Variants in TXNL4A observed in about 807,000 individuals in gnomAD.
The protein encoded by TXNL4A is thioredoxin-like protein 4A.
A neutral mutation model predicts 14.6 loss-of-function variants in TXNL4A; 17 were observed. The ratio of observed to expected loss-of-function variants is 1.16; its 90% CI spans 0.80 to 1.74. The LOEUF is 1.74. Among genes scored for constraint, TXNL4A ranks in the 40% most tolerant of loss-of-function variants. TXNL4A has a pLI of 0.00. For synonymous variants in TXNL4A, 83 were observed against 70.6 expected, an observed-to-expected ratio of 1.18 and a Z score of -0.88; for missense variants, 74 against 195.2, an observed-to-expected ratio of 0.38 and a Z score of 3.70.
chr18:79,973,624 C>A lies in TXNL4A; in HGVS notation c.*61G>T. ...TGTATTTTCCAAAGGCTTTAAATAG[C>A]TTAAAACGTTTCCATACAAAAAGGG... On this transcript the variant is annotated 3_prime_UTR_variant, in exon 3 of 3. Coordinates refer to ENST00000269601, the MANE Select transcript of TXNL4A (RefSeq NM_006701.5). 1 of 1,548,960 alleles carries A rather than the reference C, an allele frequency of 6.5e-7. No individual in the cohort carries two copies. Among genetic ancestry groups the A allele is most frequent in the South Asian group, 1.2e-5 (1 of 80,178 alleles).
At chr18:80,005,761 A>G (rs2051725850) in intron 1 of TXNL4A, among the ~76,000 whole-genome samples, 2 of 152,094 alleles carry the variant, frequency 1.3e-5, no homozygotes, top group Non-Finnish European at 2.9e-5. Flanking sequence ...CTAAAAGTAC[A>G]AGAATTAGCC....
upstream of TXNL4A, among the ~76,000 whole-genome samples, chr18:79,989,258 GGCGCCAGCCCGGCTAGT>G (rs1019369687): frequency 1.3e-5 from 2 of 152,154 alleles, no homozygotes; most frequent in African/African-American, 4.8e-5. Flanking sequence ...GGGACTACAA[GGCGCCAGCCCGGCTAGT>G]GTTTTTTTGT....
chr18:80,008,528 T>C (rs561826900), intron 1 of TXNL4A, among the ~76,000 whole-genome samples: 4 of 152,290 alleles, frequency 2.6e-5, no homozygotes, highest in African/African-American at 9.6e-5. Flanking sequence ...ATTGGTTGCA[T>C]TGTTTTTATG....
At chr18:79,995,641 G>A (rs2051655566) in intron 1 of TXNL4A, among the ~76,000 whole-genome samples, 1 of 152,164 alleles carries the variant, frequency 6.6e-6, no homozygotes, top group Non-Finnish European at 1.5e-5. Context: ...TAATGAACTA[G>A]TTAGCTGACC....
chr18:79,980,067 C>T (rs2051440358), intron 1 of TXNL4A, among the ~76,000 whole-genome samples: 1 of 152,196 alleles, frequency 6.6e-6, no homozygotes, highest in South Asian at 2.1e-4. Context: ...TCTGGTGTGA[C>T]TGGTGTCCTT....
At chr18:79,997,529 C>G (rs1395191467) in intron 1 of TXNL4A, among the ~76,000 whole-genome samples, 3 of 152,146 alleles carry the variant, frequency 2.0e-5, no homozygotes, top group Non-Finnish European at 2.9e-5. Flanking sequence ...GCTAGTATTT[C>G]TCAGTTGCAG....
chr18:80,027,099 G>C (rs957291379), intron 1 of TXNL4A, among the ~76,000 whole-genome samples: 1 of 152,010 alleles, frequency 6.6e-6, no homozygotes, highest in Admixed American at 6.6e-5. Flanking sequence ...TTCCACTTAC[G>C]GTCTCAGTCA....
intron 1 of TXNL4A, among the ~76,000 whole-genome samples, chr18:79,980,079 G>T (rs373007943): frequency 2.6e-5 from 4 of 152,314 alleles, no homozygotes; most frequent in African/African-American, 9.6e-5. Flanking sequence ...GGTGTCCTTA[G>T]AGGAAAATGG....
intron 1 of TXNL4A, among the ~76,000 whole-genome samples, chr18:80,027,995 A>C (rs1279170044): frequency 2.6e-5 from 4 of 152,198 alleles, no homozygotes; most frequent in Non-Finnish European, 4.4e-5. Context: ...AAATGAACAA[A>C]CTGATCCCAT....
intron 1 of TXNL4A, among the ~76,000 whole-genome samples, chr18:79,994,386 TAGA>T (rs1167506585): frequency 6.6e-6 from 1 of 151,664 alleles, no homozygotes; most frequent in African/African-American, 2.4e-5. Flanking sequence ...GCCGACAACT[TAGA>T]ACTGCCAATC....
chr18:80,023,042 C>G (rs563215780), intron 1 of TXNL4A, among the ~76,000 whole-genome samples: 1 of 152,338 alleles, frequency 6.6e-6, no homozygotes, highest in East Asian at 1.9e-4. Context: ...CCATATTTGG[C>G]TTCCCCTGCT....
chr18:80,019,803 T>C (rs1195127723), intron 1 of TXNL4A, among the ~76,000 whole-genome samples: 4 of 152,238 alleles, frequency 2.6e-5, no homozygotes, highest in African/African-American at 4.8e-5. Flanking sequence ...GCTATCTTAT[T>C]AACTTTACCT....
intron 1 of TXNL4A, among the ~76,000 whole-genome samples, chr18:80,027,281 C>T (rs2051890919): frequency 6.6e-6 from 1 of 152,038 alleles, no homozygotes; most frequent in Admixed American, 6.6e-5. Context: ...CTATTCCCTG[C>T]ACAAGCCCCT....
chr18:80,005,483 G>A (rs2051723837), intron 1 of TXNL4A, among the ~76,000 whole-genome samples: 1 of 152,178 alleles, frequency 6.6e-6, no homozygotes, highest in Non-Finnish European at 1.5e-5. Flanking sequence ...TTTAGGATAT[G>A]TTTTTCAGGA....
chr18:80,004,312 A>C (rs1468603010), intron 1 of TXNL4A, among the ~76,000 whole-genome samples: 2 of 151,886 alleles, frequency 1.3e-5, no homozygotes, highest in African/African-American at 2.4e-5. Context: ...CAAAGCCTGG[A>C]CTCTGGGACC....
intron 1 of TXNL4A, among the ~76,000 whole-genome samples, chr18:80,004,779 A>G (rs1404170277): frequency 6.6e-6 from 1 of 152,154 alleles, no homozygotes; most frequent in Non-Finnish European, 1.5e-5. Flanking sequence ...ACCACAAACA[A>G]AACATCGAGT....
chr18:79,988,564 G>T, upstream of TXNL4A: 1 of 627,444 alleles, frequency 1.6e-6, no homozygotes, highest in Non-Finnish European at 2.3e-6. Context: ...CAGAACGTCT[G>T]GGCGCGCACG....
In TXNL4A at chr18:80,032,335, G is replaced by T. The variant is rs147739455; in HGVS notation, c.-61+1516C>A. 4.8e-3 allele frequency among the ~76,000 whole-genome samples: 731 copies of T among 152,024 alleles called. 5 individuals are homozygous for T. The highest frequency in any genetic ancestry group is 0.017 in the African/African-American group (700 of 41,464). ...CTTTTTAAAATGCTTTTCTCCAAAA[G>T]ATTTTAAAGAAAAAAAAGGGGGGAA... is the stretch of plus-strand genomic sequence containing the variant. On this transcript the variant is annotated intron_variant, in intron 1 of 2. Transcript: ENST00000585474.
intron 1 of TXNL4A, among the ~76,000 whole-genome samples, chr18:80,001,843 T>C (rs1188924539): frequency 1.3e-5 from 2 of 152,176 alleles, no homozygotes; most frequent in Non-Finnish European, 2.9e-5. Flanking sequence ...ACTTGCTGTG[T>C]CCCAGATGAG....
Sources: allele counts gnomAD v4.1 joint callset (sites outside exome capture counted in the v4.1 genomes callset), GRCh38; gene constraint gnomAD v4.1.1; transcripts MANE v1.5; gene names NCBI Gene and HGNC (gene_info 2026-07-23, HGNC 2026-07-21).